TAX1BP3: variants seen among roughly 807,000 people sequenced by gnomAD.
TAX1BP3 encodes tax1-binding protein 3.
In TAX1BP3, 13 loss-of-function variants were observed where a neutral mutation model predicts 15.3. The ratio of observed to expected loss-of-function variants is 0.85; its 90% CI spans 0.55 to 1.35. The LOEUF (loss-of-function observed/expected upper bound fraction) is 1.35. Among genes scored for constraint, TAX1BP3 ranks in the 40% most tolerant of loss-of-function variants. The probability of loss-of-function intolerance (pLI) is 0.00; values close to 1 mark genes in which losing one functional copy is unlikely to be tolerated. For synonymous variants in TAX1BP3, 70 were observed against 66.0 expected (o/e 1.06, Z -0.30); for missense variants, 147 against 169.6 (o/e 0.87, Z 0.74).
In TAX1BP3 at chr17:3,664,256, C is replaced by G; in HGVS notation, c.176G>C (p.Arg59Pro). 6.2e-7 allele frequency: 1 copy of G among 1,614,036 alleles called. No individual in the cohort carries two copies. Among genetic ancestry groups the G allele is most frequent in the Non-Finnish European group, 8.5e-7 (1 of 1,180,026 alleles). Residue 59 changes from arginine to proline, a missense_variant, in exon 3 of 4, where the codon CGG becomes CCG. Arg to Pro is a moderately radical substitution (Grantham distance 103). Coordinates refer to ENST00000225525, the MANE Select transcript of TAX1BP3 (RefSeq NM_014604.4). ...TTCAGCAGGGCCTCCTTCAGACACC[C>G]GTGTGACATAAATACCCTGGAAAGG... ...DKTDKGIYVTRVSEGGPAEIA... is the reference protein window; with the variant it reads ...DKTDKGIYVTPVSEGGPAEIA...
At chr17:3,666,869 C>T (rs879662991) in intron 1 of TAX1BP3, among the ~76,000 whole-genome samples, 5 of 152,182 alleles carry the variant, frequency 3.3e-5, no homozygotes, top group African/African-American at 4.8e-5. Context: ...CTCCTCCAGG[C>T]CTGCTCTGCC....
rs1032318031 is a variant in TAX1BP3 at position 3,663,792 on chromosome 17, G to A, written c.331C>T (p.Arg111Trp). The change falls in exon 4 of 4, where the codon CGG (arginine) becomes TGG (tryptophan). Residue 111 changes from arginine (R) to tryptophan (W), a missense_variant. Physicochemically the swap from Arg to Trp is moderately radical, Grantham distance 101. Transcript: ENST00000225525. Reference protein sequence around the residue: ...SEEVVRLLVTRQSLQKAVQQS... With the variant: ...SEEVVRLLVTWQSLQKAVQQS... ...TGCACGGCCTTCTGCAGCGACTGCC[G>A]CGTCACCAGCAGACGCACCACCTCC... 9 of 1,607,104 alleles carry A rather than the reference G, an allele frequency of 5.6e-6. No homozygotes were observed. The highest frequency in any genetic ancestry group is 6.8e-6 in the Non-Finnish European group (8 of 1,179,746).
intron 1 of TAX1BP3, chr17:3,665,843 G>T (rs1012264370): frequency 8.2e-6 from 5 of 610,000 alleles, no homozygotes; most frequent in Non-Finnish European, 1.4e-5. Context: ...AGACTGGAGT[G>T]TCCAGTGCAG....
intron 1 of TAX1BP3, among the ~76,000 whole-genome samples, chr17:3,667,609 T>C (rs2076356125): frequency 6.6e-6 from 1 of 152,172 alleles, no homozygotes; most frequent in South Asian, 2.1e-4. Flanking sequence ...CGGGCAGGCA[T>C]TTCTTCTCAT....
chr17:3,667,927 A>T (rs2076358680), intron 1 of TAX1BP3, among the ~76,000 whole-genome samples: 1 of 152,230 alleles, frequency 6.6e-6, no homozygotes, highest in Non-Finnish European at 1.5e-5. Context: ...ACCCAGGAAA[A>T]GTTCGAAGAG....
rs1364945422 is a variant in TAX1BP3 at position 3,663,682 on chromosome 17, CAG to C, written c.*64_*65del. 6.5e-7 allele frequency: 1 copy of C among 1,545,686 alleles called. No individual in the cohort carries two copies. Among genetic ancestry groups the C allele is most frequent in the South Asian group, 1.2e-5 (1 of 82,258 alleles). On this transcript the variant is annotated 3_prime_UTR_variant, in exon 4 of 4. Transcript: ENST00000225525. ...GCGGTCAGCAGAAGCCAGATGGGGA[CAG>C]AGTGTGGAAGTGGCGTTACTGTACA...
At chr17:3,666,739 C>G (rs1041339848) in intron 1 of TAX1BP3, among the ~76,000 whole-genome samples, 4 of 152,142 alleles carry the variant, frequency 2.6e-5, no homozygotes, top group African/African-American at 9.7e-5. Context: ...CTGGTGTTAC[C>G]AGAATTAGGG....
chr17:3,665,878 A>G (rs2076336240), intron 1 of TAX1BP3, among the ~76,000 whole-genome samples: 1 of 152,038 alleles, frequency 6.6e-6, no homozygotes, highest in Admixed American at 6.5e-5. Context: ...AGGCGAGATG[A>G]GGCTGAAAGT....
rs553489424 is a variant in TAX1BP3, at chr17:3,663,612, G to C, written c.*136C>G. ...GATGGGAGAAGGGAAGGAAGGCCAG[G>C]CCAGGCCTCTGGGACCAGCTATAGC... On this transcript the variant is annotated 3_prime_UTR_variant, in exon 4 of 4. Transcript: ENST00000225525. 7.6e-7 allele frequency: 1 copy of C among 1,319,916 alleles called. No individual in the cohort carries two copies. Among genetic ancestry groups the C allele is most frequent in the African/African-American group, 1.5e-5 (1 of 68,448 alleles). The allele number at this position is 1,319,916 out of a possible 1,614,324, so 81.8% of individuals were successfully genotyped here.
rs1249742173 is a variant in TAX1BP3, at chr17:3,668,332, G to A, written c.39+156C>T. On this transcript the variant is annotated intron_variant, in intron 1 of 3. Transcript: ENST00000225525. The surrounding 1 kb of genome is among the most constrained non-coding windows in gnomAD (Gnocchi z 4.1). Reference sequence around the variant, plus strand: ...TCCCTGTTTCGTGGCTGGGGGAACTGCGGCCCGCTCCGGCAAAGCGGGGAC... The same window carrying A: ...TCCCTGTTTCGTGGCTGGGGGAACTACGGCCCGCTCCGGCAAAGCGGGGAC... 6.6e-6 allele frequency among the ~76,000 whole-genome samples: 1 copy of A among 152,206 alleles called. No homozygotes were observed. Among genetic ancestry groups the A allele is most frequent in the African/African-American group, 2.4e-5 (1 of 41,452 alleles).
At position 3,664,260 on chromosome 17, in the gene TAX1BP3, T is replaced by C. The variant is rs1567721253; in HGVS notation, c.172A>G (p.Thr58Ala). 1 of 1,613,990 alleles carries C rather than the reference T, an allele frequency of 6.2e-7. No homozygotes were observed. The highest frequency in any genetic ancestry group is 1.7e-5 in the Admixed American group (1 of 60,024). The part of the protein sequence containing the change: ...EDKTDKGIYV[T>A]RVSEGGPAEI... Reference sequence around the variant, plus strand: ...GCAGGGCCTCCTTCAGACACCCGTGTGACATAAATACCCTGGAAAGGGGCA... The same window carrying C: ...GCAGGGCCTCCTTCAGACACCCGTGCGACATAAATACCCTGGAAAGGGGCA... Residue 58 changes from threonine to alanine, a missense_variant, in exon 3 of 4, where the codon ACA (threonine) becomes GCA (alanine). By Grantham distance (58) the Thr-to-Ala change is moderately conservative. Transcript: ENST00000225525.
rs763276689 is a variant in TAX1BP3 at position 3,668,454 on chromosome 17, C to G, written c.39+34G>C. 3 of 1,605,720 alleles carry G rather than the reference C, an allele frequency of 1.9e-6. No individual in the cohort carries two copies. Among genetic ancestry groups the G allele is most frequent in the East Asian group, 4.5e-5 (2 of 44,214 alleles). The stretch of plus-strand genomic sequence containing the variant: ...CCCGCTCTGCGAGGTGGGGTCAGGC[C>G]AAGACGAGGAGGAGCCCGCGCAAGC... On this transcript the variant is annotated intron_variant, in intron 1 of 3. Coordinates refer to ENST00000225525, the MANE Select transcript of TAX1BP3 (RefSeq NM_014604.4). This position sits in a 1 kb window ranked among gnomAD's most constrained non-coding sequence, Gnocchi z 4.1.
rs1238678064 is a variant in TAX1BP3, at chr17:3,663,445, G to C, written c.*303C>G. The C allele has an allele frequency of 9.9e-6, 3 of 303,910 alleles. No homozygotes were observed. The East Asian group carries it at 1.6e-4, about 16-fold the overall frequency. 18.8% of individuals were successfully genotyped at this position (303,910 alleles called of 1,614,324 possible). ...TCCCAAGAGATAGTGGTTCCCACTT[G>C]CCCAGCCACTGCTGTGGCCAAGCAG... On this transcript the variant is annotated 3_prime_UTR_variant, in exon 4 of 4. Coordinates refer to ENST00000225525, the MANE Select transcript of TAX1BP3 (RefSeq NM_014604.4).
chr17:3,667,416 A>G lies in TAX1BP3; in HGVS notation c.39+1072T>C, dbSNP rs116410404. On this transcript the variant is annotated intron_variant, in intron 1 of 3. Coordinates refer to ENST00000225525, the MANE Select transcript of TAX1BP3 (RefSeq NM_014604.4). ...AGGACAGCTGTCAGCTGGTCCAGCA[A>G]TGTTTCCTCCTGGCCCAGGCCTGAG... is the stretch of plus-strand genomic sequence containing the variant. 6.1e-3 allele frequency among the ~76,000 whole-genome samples: 927 copies of G among 151,632 alleles called. 5 individuals are homozygous for G. The highest frequency in any genetic ancestry group is 0.021 in the African/African-American group (876 of 41,306).
intron 1 of TAX1BP3, among the ~76,000 whole-genome samples, chr17:3,666,768 T>G (rs2076342851): frequency 6.6e-6 from 1 of 152,082 alleles, no homozygotes; most frequent in Non-Finnish European, 1.5e-5. Context: ...CCTGCAGTTT[T>G]GGGGAAGGCC....
At chr17:3,665,879 G>A (rs2076336257) in intron 1 of TAX1BP3, among the ~76,000 whole-genome samples, 1 of 152,212 alleles carries the variant, frequency 6.6e-6, no homozygotes, top group Admixed American at 6.5e-5. Flanking sequence ...GGCGAGATGA[G>A]GCTGAAAGTG....
intron 1 of TAX1BP3, chr17:3,665,698 C>T: frequency 1.9e-6 from 1 of 520,146 alleles, no homozygotes; most frequent in Non-Finnish European, 3.5e-6. Context: ...GAATTCATGG[C>T]ATAATAGGTG....
chr17:3,664,409 G>A (rs2076315884), intron 2 of TAX1BP3, 137 bp from the exon 3 acceptor site: 1 of 1,124,014 alleles, frequency 8.9e-7, no homozygotes, highest in Non-Finnish European at 1.3e-6. Flanking sequence ...TGGTCAGTGA[G>A]GACTGTTCTG....
chr17:3,665,851 C>A, intron 1 of TAX1BP3: 1 of 603,858 alleles, frequency 1.7e-6, no homozygotes, highest in African/African-American at 1.9e-5. Context: ...GTGTCCAGTG[C>A]AGGACACAGA....
Sources: gnomAD v4.1 joint callset for allele counts (sites outside exome capture counted in the v4.1 genomes callset) on GRCh38, gnomAD v4.1.1 for gene constraint, Gnocchi (gnomAD v3.1) non-coding constraint, MANE v1.5 for transcripts, NCBI Gene and HGNC (gene_info 2026-07-23, HGNC 2026-07-21) for gene names.